Variants in HIGD1A observed in about 807,000 individuals in gnomAD.
HIGD1A encodes the protein HIG1 hypoxia inducible domain family member 1A.
Under a neutral mutation model 11.3 loss-of-function variants are expected in HIGD1A, and 8 were observed. The observed-to-expected ratio is 0.71, with a 90% CI of 0.42 to 1.28. The LOEUF (loss-of-function observed/expected upper bound fraction) is 1.28. Among genes scored for constraint, HIGD1A ranks in the 50% most tolerant of loss-of-function variants. HIGD1A has a pLI of 0.01. For synonymous variants in HIGD1A, 32 were observed against 38.4 expected, an observed-to-expected ratio of 0.83 and a Z score of 0.62; for missense variants, 107 against 118.8, an observed-to-expected ratio of 0.90 and a Z score of 0.46.
At chr3:42,794,302 G>T in intron 1 of HIGD1A, 27 bp from the exon 2 acceptor site, 1 of 1,541,800 alleles carries the variant, frequency 6.5e-7, no homozygotes, top group Admixed American at 2.4e-5. Flanking sequence ...ATGAGGTTCT[G>T]TAATTAAAAG....
intron 2 of HIGD1A, among the ~76,000 whole-genome samples, chr3:42,790,045 AAG>A (rs1272845220): frequency 6.6e-6 from 1 of 152,140 alleles, no homozygotes; most frequent in East Asian, 1.9e-4. Context: ...AAAAACGAAA[AAG>A]AGATAAGAAA....
Position 42,790,216 on chromosome 3 carries a change from G to C in HIGD1A, c.97+3941C>G, listed in dbSNP as rs1408037010. On this transcript the variant is annotated intron_variant, in intron 2 of 3. Coordinates refer to ENST00000321331, the MANE Select transcript of HIGD1A (RefSeq NM_014056.4). ...TGCAGATCATCTAACTGTGTGTATA[G>C]GAAATCCAAGAGAATCAAATGAAAC... 3.3e-5 allele frequency among the ~76,000 whole-genome samples: 5 copies of C among 152,272 alleles called. No individual in the cohort carries two copies. In the East Asian group the frequency reaches 9.7e-4, roughly 29 times the overall value.
At position 42,784,042 on chromosome 3, in the gene HIGD1A, C is replaced by T. The variant is rs934351858; in HGVS notation, c.*1229G>A. Among the ~76,000 whole-genome samples the T allele has an allele frequency of 4.4e-5, 6 of 137,510 alleles. No individual in the cohort carries two copies. Among genetic ancestry groups the T allele is most frequent in the Non-Finnish European group, 7.6e-5 (5 of 66,194 alleles). The allele number at this position is 137,510 out of a possible 152,430, so 90.2% of individuals were successfully genotyped here. On this transcript the variant is annotated 3_prime_UTR_variant, in exon 4 of 4. Transcript: ENST00000321331. ...AGTGAGCCAAGATCGTGCCACTGCA[C>T]GCCAGCCAAGATGACAGAGAATAAC... is the stretch of plus-strand genomic sequence containing the variant.
In HIGD1A at chr3:42,783,328, T is replaced by C. The variant is rs928905034; in HGVS notation, c.*1943A>G. ...AAGAGAAGTATAATCACATTTAACATACAAAAGTAGGTCAGGTGTGGTGGA... is the reference window on the plus strand; with the variant it reads ...AAGAGAAGTATAATCACATTTAACACACAAAAGTAGGTCAGGTGTGGTGGA... On this transcript the variant is annotated 3_prime_UTR_variant, in exon 4 of 4. Transcript: ENST00000321331. 6.6e-5 allele frequency among the ~76,000 whole-genome samples: 10 copies of C among 152,306 alleles called. No homozygotes were observed. The highest frequency in any genetic ancestry group is 2.4e-4 in the African/African-American group (10 of 41,550).
At chr3:42,787,956 C>T (rs1009488570) in intron 2 of HIGD1A, among the ~76,000 whole-genome samples, 1 of 151,726 alleles carries the variant, frequency 6.6e-6, no homozygotes, top group Non-Finnish European at 1.5e-5. Context: ...CCAAAAAGTC[C>T]TTCTTCCTGG....
At chr3:42,791,065 A>C (rs1700416422) in intron 2 of HIGD1A, among the ~76,000 whole-genome samples, 1 of 152,244 alleles carries the variant, frequency 6.6e-6, no homozygotes, top group South Asian at 2.1e-4. Flanking sequence ...AGACAGATCA[A>C]AGCAACAAAA....
rs926905100 is a variant in HIGD1A at position 42,787,620 on chromosome 3, T to A, written c.98-1458A>T. ...ATATATATATATATATATATATATA[T>A]AAATTTTTAAAGTCATAAAACTTTA... is the stretch of plus-strand genomic sequence containing the variant. On this transcript the variant is annotated intron_variant, in intron 2 of 3. Transcript: ENST00000321331. Among the ~76,000 whole-genome samples, 73 of 144,666 alleles carry A rather than the reference T, an allele frequency of 5.0e-4. 1 individual carries two copies. In the South Asian group the frequency reaches 9.6e-3, roughly 19 times the overall value. The allele number at this position is 144,666 out of a possible 152,430, so 94.9% of individuals were successfully genotyped here.
At chr3:42,800,104 T>TCACTTGAGGTCAGGAGTTC (rs1700537578) in intron 1 of HIGD1A, among the ~76,000 whole-genome samples, 1 of 152,008 alleles carries the variant, frequency 6.6e-6, no homozygotes, top group African/African-American at 2.4e-5. Flanking sequence ...AGGTGGGCAA[T>TCACTTGAGGTCAGGAGTTC]CACTTGAGGT....
chr3:42,785,812 C>T (rs1700342618), intron 3 of HIGD1A, among the ~76,000 whole-genome samples: 1 of 152,096 alleles, frequency 6.6e-6, no homozygotes, highest in African/African-American at 2.4e-5. Context: ...CAGTGATTGA[C>T]AGGATTTTTT....
At chr3:42,796,675 G>T (rs1300622131) in intron 1 of HIGD1A, among the ~76,000 whole-genome samples, 2 of 152,140 alleles carry the variant, frequency 1.3e-5, no homozygotes, top group Non-Finnish European at 2.9e-5. Context: ...AGAGAACAGA[G>T]TGCTGATTGG....
rs866758090 is a variant in HIGD1A, at chr3:42,782,916, A to G, written c.*2355T>C. ...GTCACATGACTTTAGGCTTCTCTATAGCAATACTTTAATATTCCAAAGAAA... is the reference window on the plus strand; with the variant it reads ...GTCACATGACTTTAGGCTTCTCTATGGCAATACTTTAATATTCCAAAGAAA... On this transcript the variant is annotated 3_prime_UTR_variant, in exon 4 of 4. Transcript: ENST00000321331. 1.3e-5 allele frequency among the ~76,000 whole-genome samples: 2 copies of G among 152,252 alleles called. No homozygotes were observed. The highest frequency in any genetic ancestry group is 4.8e-5 in the African/African-American group (2 of 41,472).
intron 2 of HIGD1A, among the ~76,000 whole-genome samples, chr3:42,791,922 C>T (rs1413147932): frequency 2.0e-5 from 3 of 151,974 alleles, no homozygotes; most frequent in African/African-American, 7.2e-5. Flanking sequence ...TTTTATAGAT[C>T]ACTGTTACAA....
At chr3:42,803,007 T>C (rs1452966640) in intron 1 of HIGD1A, among the ~76,000 whole-genome samples, 1 of 152,236 alleles carries the variant, frequency 6.6e-6, no homozygotes, top group East Asian at 1.9e-4. Flanking sequence ...TTCAGTGACT[T>C]AACTCATCTA....
In HIGD1A at chr3:42,792,617, T is replaced by A. The variant is rs565290011; in HGVS notation, c.97+1540A>T. Among the ~76,000 whole-genome samples, 988 of 148,794 alleles carry A rather than the reference T, an allele frequency of 6.6e-3. 3 individuals carry two copies. The highest frequency in any genetic ancestry group is 0.011 in the Non-Finnish European group (757 of 67,502). On this transcript the variant is annotated intron_variant, in intron 2 of 3. Coordinates refer to ENST00000321331, the MANE Select transcript of HIGD1A (RefSeq NM_014056.4). Reference sequence around the variant, plus strand: ...TGAACTCGGGAGGCGGAGCTTGCAGTGAGCCAAGATCCTGCCACTGCACTC... The same window carrying A: ...TGAACTCGGGAGGCGGAGCTTGCAGAGAGCCAAGATCCTGCCACTGCACTC...
chr3:42,800,753 C>T (rs7610350), intron 1 of HIGD1A, among the ~76,000 whole-genome samples: 145,223 of 152,102 alleles, frequency 0.95, 69,706 homozygotes, highest in East Asian at 1. Flanking sequence ...TCTTGGACTA[C>T]TGGCTCAGAA....
At chr3:42,800,360 A>G (rs942162866) in intron 1 of HIGD1A, among the ~76,000 whole-genome samples, 18 of 151,608 alleles carry the variant, frequency 1.2e-4, no homozygotes, top group African/African-American at 4.1e-4. Flanking sequence ...AGAAAAAGAA[A>G]AAGAAAAAAA....
chr3:42,803,186 A>G (rs1047089468), intron 1 of HIGD1A, among the ~76,000 whole-genome samples: 1 of 152,238 alleles, frequency 6.6e-6, no homozygotes, highest in Non-Finnish European at 1.5e-5. Flanking sequence ...CAGTTTGGAG[A>G]GCACAAATTA....
intron 1 of HIGD1A, among the ~76,000 whole-genome samples, chr3:42,795,877 T>C (rs1700491401): frequency 6.6e-6 from 1 of 152,236 alleles, no homozygotes; most frequent in African/African-American, 2.4e-5. Context: ...CTTTCTTCAC[T>C]GAACTATTTT....
chr3:42,785,793 T>G (rs1477604346), intron 3 of HIGD1A, among the ~76,000 whole-genome samples: 2 of 152,188 alleles, frequency 1.3e-5, no homozygotes, highest in African/African-American at 2.4e-5. Flanking sequence ...TTCAATGAAA[T>G]TATAAACTCA....
Sources: allele counts gnomAD v4.1 joint callset (sites outside exome capture counted in the v4.1 genomes callset), GRCh38; gene constraint gnomAD v4.1.1; transcripts MANE v1.5; gene names NCBI Gene and HGNC (gene_info 2026-07-23, HGNC 2026-07-21).